LRP2: variants seen among roughly 807,000 people sequenced by gnomAD.
LRP2 encodes LDL receptor related protein 2.
A neutral mutation model predicts 531.0 loss-of-function variants in LRP2; 172 were observed. The observed-to-expected ratio is 0.32, with a 90% CI of 0.29 to 0.37. LRP2 has a LOEUF of 0.37. LRP2 is among the 10% of genes least tolerant of loss of function. The pLI is 1.00. For synonymous variants in LRP2, 1,992 were observed against 2,027.6 expected (o/e 0.98, Z 0.47); for missense variants, 5,167 against 5,868.3 (o/e 0.88, Z 3.90).
chr2:169,353,289 A>G (rs562229390), intron 1 of LRP2, among the ~76,000 whole-genome samples: 1 of 152,314 alleles, frequency 6.6e-6, no homozygotes, highest in South Asian at 2.1e-4. Context: ...GATAGGATCA[A>G]GGAAACACGT....
At position 169,256,164 on chromosome 2, in the gene LRP2, T is replaced by A; in HGVS notation, c.2712A>T (p.Arg904Ser). 5.0e-6 allele frequency: 8 copies of A among 1,613,050 alleles called. No individual in the cohort carries two copies. The highest frequency in any genetic ancestry group is 6.8e-6 in the Non-Finnish European group (8 of 1,179,248). ...TCTGCTCTATATGGCCCAGTCTTCT[T>A]CTGTCTAAACCATCAAAGGTGCTGT... ...IEHSTFDGLD[R>S]RRLGHIEQMT... Residue 904 changes from arginine (R) to serine (S), a missense_variant, in exon 19 of 79, where the codon AGA (arginine) becomes AGT (serine). By Grantham distance (110) the Arg-to-Ser change is moderately radical. Transcript: ENST00000649046.
Position 169,193,835 on chromosome 2 carries a change from A to G in LRP2, c.8756T>C (p.Ile2919Thr). The G allele has an allele frequency of 6.2e-7, 1 of 1,614,104 alleles. No homozygotes were observed. The highest frequency in any genetic ancestry group is 8.5e-7 in the Non-Finnish European group (1 of 1,180,024). Residue 2919 changes from isoleucine to threonine, a missense_variant, in exon 47 of 79, where the codon ATC becomes ACC. Ile to Thr is a moderately conservative substitution (Grantham distance 89). Transcript: ENST00000649046. ...ACCGTCACAGATCCATTCGCTTGGG[A>G]TGCACCTCCCACCATCACACTTGAA... ...DEFKCDGGRCIPSEWICDGDN... is the reference protein window; with the variant it reads ...DEFKCDGGRCTPSEWICDGDN...
At chr2:169,172,224 T>A in intron 57 of LRP2, 90 bp from the exon 58 acceptor site, 1 of 1,463,800 alleles carries the variant, frequency 6.8e-7, no homozygotes, top group Non-Finnish European at 9.5e-7. Flanking sequence ...AGTCTGAGAA[T>A]TGTATTAGCT....
chr2:169,188,148 G>A lies in LRP2; in HGVS notation c.9150C>T (p.Val3050=). The change falls in exon 49 of 79, where the codon GTC becomes GTT. Residue 3050 remains valine, a synonymous_variant. Coordinates refer to ENST00000649046, the MANE Select transcript of LRP2 (RefSeq NM_004525.3). ...QNGRCISKTF[V]CDEDNDCGDG... ...CTCCACAGTCATTATCCTCATCACA[G>A]ACGAAGGTTTTACTAATGCAGCGCC... 6.2e-7 allele frequency: 1 copy of A among 1,614,104 alleles called. No individual in the cohort carries two copies. The highest frequency in any genetic ancestry group is 8.5e-7 in the Non-Finnish European group (1 of 1,180,020).
intron 71 of LRP2, among the ~76,000 whole-genome samples, chr2:169,141,673 CCACACTG>C (rs1685722236): frequency 6.6e-6 from 1 of 152,202 alleles, no homozygotes; most frequent in Non-Finnish European, 1.5e-5. Flanking sequence ...ACAACCAGGA[CCACACTG>C]CTCCCACGAT....
In LRP2 at chr2:169,174,076, AC is replaced by A; in HGVS notation, c.10856del (p.Cys3619LeufsTer54). 1 of 1,614,184 alleles carries A rather than the reference AC, an allele frequency of 6.2e-7. No individual in the cohort carries two copies. The highest frequency in any genetic ancestry group is 8.5e-7 in the Non-Finnish European group (1 of 1,180,034). ...AACTGTCTTCATCTGAGTTATCCTC[AC>A]AGTCGTTAAATGTGTCACACTGCCA... is the stretch of plus-strand genomic sequence containing the variant. Reference protein sequence around the residue: ...ESWQCDTFNDCEDNSDEDSSH... With the variant: ...ESWQCDTFNDXEDNSDEDSSH... On this transcript the variant is annotated frameshift_variant, in exon 56 of 79. Transcript: ENST00000649046. LOFTEE classifies it high-confidence loss of function.
At chr2:169,167,537 T>C (rs1686828654) in intron 61 of LRP2, among the ~76,000 whole-genome samples, 1 of 152,138 alleles carries the variant, frequency 6.6e-6, no homozygotes, top group Non-Finnish European at 1.5e-5. Flanking sequence ...GGCCCTTAAT[T>C]TTCCCACAAA....
chr2:169,301,908 C>T (rs1418949191), intron 4 of LRP2, among the ~76,000 whole-genome samples: 1 of 152,144 alleles, frequency 6.6e-6, no homozygotes, highest in Non-Finnish European at 1.5e-5. Flanking sequence ...CAACATCAAG[C>T]TCCCTAATCC....
intron 6 of LRP2, 107 bp downstream of exon 6, chr2:169,294,041 G>A (rs1014100715): frequency 3.4e-5 from 27 of 794,342 alleles, no homozygotes; most frequent in Non-Finnish European, 6.1e-5. Flanking sequence ...TCTTCTCCTT[G>A]AAAAAAGAGG....
chr2:169,175,499 G>A (rs1295352511), intron 54 of LRP2, 110 bp from the exon 55 acceptor site: 14 of 980,410 alleles, frequency 1.4e-5, no homozygotes, highest in Non-Finnish European at 2.1e-5. Flanking sequence ...GAGCTCTCTC[G>A]TGGCCCTAGA....
At chr2:169,362,138 G>T (rs759350646) in intron 1 of LRP2, among the ~76,000 whole-genome samples, 183 bp downstream of exon 1, 27 of 152,210 alleles carry the variant, frequency 1.8e-4, no homozygotes, top group Non-Finnish European at 3.2e-4. Flanking sequence ...CCTGGCGAGC[G>T]AAGAGGGGCG....
At position 169,321,368 on chromosome 2, in the gene LRP2, T is replaced by C. The variant is rs184195353; in HGVS notation, c.80-484A>G. On this transcript the variant is annotated intron_variant, in intron 1 of 78. Coordinates refer to ENST00000649046, the MANE Select transcript of LRP2 (RefSeq NM_004525.3). ...GACATATTAGTAACTTAAAAAATGGTTATGGAGAAATTCTAAGTACTTAGA... is the reference window on the plus strand; with the variant it reads ...GACATATTAGTAACTTAAAAAATGGCTATGGAGAAATTCTAAGTACTTAGA... Among the ~76,000 whole-genome samples, 130 of 152,102 alleles carry C rather than the reference T, an allele frequency of 8.5e-4. 1 individual carries two copies. Among genetic ancestry groups the C allele is most frequent in the Middle Eastern group, 3.4e-3 (1 of 294 alleles).
chr2:169,240,781 T>C, intron 25 of LRP2: 1 of 631,932 alleles, frequency 1.6e-6, no homozygotes, highest in East Asian at 2.7e-5. Flanking sequence ...TAAAAACACA[T>C]AACCAAGTAC....
Position 169,289,096 on chromosome 2 carries a change from C to T in LRP2, c.972G>A (p.Thr324=), listed in dbSNP as rs1683933842. 1.9e-6 allele frequency: 3 copies of T among 1,614,090 alleles called. No individual in the cohort carries two copies. The highest frequency in any genetic ancestry group is 2.2e-5 in the South Asian group (2 of 91,084). The part of the protein sequence containing the change: ...ALNCQYQCHE[T]PYGGACFCPP... ...GACAAAAACACGCTCCTCCATACGG[C>T]GTCTCATGGCACTGGTACTGGCAGT... Residue 324 remains threonine (T), a synonymous_variant, in exon 9 of 79, where the codon ACG becomes ACA. Transcript: ENST00000649046.
intron 37 of LRP2, 106 bp downstream of exon 37, chr2:169,211,862 T>C: frequency 6.9e-7 from 1 of 1,449,052 alleles, no homozygotes; most frequent in Non-Finnish European, 9.6e-7. Context: ...AAAGGAAAGC[T>C]TCATTATGCA....
chr2:169,316,882 C>G (rs1684777829), intron 3 of LRP2, among the ~76,000 whole-genome samples: 1 of 152,084 alleles, frequency 6.6e-6, no homozygotes, highest in South Asian at 2.1e-4. Context: ...AGAGCCAGGA[C>G]TGCTGGGAGT....
rs185880982 is a variant in LRP2 at position 169,182,391 on chromosome 2, C to A, written c.9846-72G>T. The A allele has an allele frequency of 4.8e-4, 773 of 1,600,532 alleles. 1 individual carries two copies. Among genetic ancestry groups the A allele is most frequent in the Non-Finnish European group, 5.8e-4 (683 of 1,177,412 alleles). ...TGGTACATATTTAGCCACCCAGTTT[C>A]CTACCCAAGCTACCTGAGAATCACA... is the stretch of plus-strand genomic sequence containing the variant. On this transcript the variant is annotated intron_variant, in intron 50 of 78. Transcript: ENST00000649046.
At chr2:169,294,736 A>AC (rs751491305) in intron 4 of LRP2, 26 bp from the exon 5 acceptor site, 1 of 1,376,898 alleles carries the variant, frequency 7.3e-7, no homozygotes, top group African/African-American at 1.4e-5. Flanking sequence ...AAAAAAAAAA[A>AC]AAAAGGAAAA....
At chr2:169,211,796 C>G (rs1169580694) in intron 37 of LRP2, among the ~76,000 whole-genome samples, 172 bp downstream of exon 37, 1 of 152,130 alleles carries the variant, frequency 6.6e-6, no homozygotes, top group Non-Finnish European at 1.5e-5. Context: ...CCAGGTGATT[C>G]TGAGACACAC....
Sources: gnomAD v4.1 joint callset for allele counts (sites outside exome capture counted in the v4.1 genomes callset) on GRCh38, gnomAD v4.1.1 for gene constraint, MANE v1.5 for transcripts, NCBI Gene and HGNC (gene_info 2026-07-23, HGNC 2026-07-21) for gene names.